Variants in SLC23A2 observed in about 807,000 individuals in gnomAD.
SLC23A2 encodes the protein Na(+)/L-ascorbic acid transporter 2.
In SLC23A2, 36 loss-of-function variants were observed where a neutral mutation model predicts 73.3. That is an observed-to-expected ratio of 0.49 (90% CI 0.38 to 0.65). The LOEUF (loss-of-function observed/expected upper bound fraction) is 0.65. Ranked by LOEUF, SLC23A2 falls within the 30% of genes least tolerant of loss-of-function variation. The pLI, the probability that SLC23A2 is intolerant of heterozygous loss-of-function variation, is 0.00. For missense variants in SLC23A2, 507 were observed against 841.6 expected (o/e 0.60, Z 4.92); for synonymous variants, 343 against 327.3 (o/e 1.05, Z -0.52).
intron 2 of SLC23A2, among the ~76,000 whole-genome samples, chr20:4,937,604 C>A (rs1422068182): frequency 2.0e-5 from 3 of 152,158 alleles, no homozygotes; most frequent in African/African-American, 7.2e-5. Flanking sequence ...AAAGTAGAAA[C>A]TGAGCTTCAG....
At chr20:4,974,233 G>A (rs1465433734) in intron 1 of SLC23A2, among the ~76,000 whole-genome samples, 3 of 152,138 alleles carry the variant, frequency 2.0e-5, no homozygotes, top group Non-Finnish European at 4.4e-5. Flanking sequence ...CACTTTGGGA[G>A]GCTGAGGTGG....
chr20:4,959,440 A>G (rs543758626), intron 2 of SLC23A2, among the ~76,000 whole-genome samples: 1 of 152,324 alleles, frequency 6.6e-6, no homozygotes, highest in South Asian at 2.1e-4. Flanking sequence ...TGGCTGAATG[A>G]AACCTTACGT....
At chr20:5,004,035 T>C (rs2088163102), upstream of SLC23A2, among the ~76,000 whole-genome samples, 1 of 151,976 alleles carries the variant, frequency 6.6e-6, no homozygotes, top group Non-Finnish European at 1.5e-5. Flanking sequence ...TCATATCTCC[T>C]TTCTCCCCTG....
intron 3 of SLC23A2, among the ~76,000 whole-genome samples, chr20:4,914,620 T>C (rs1015022158): frequency 5.3e-5 from 8 of 152,278 alleles, no homozygotes; most frequent in African/African-American, 1.4e-4. Flanking sequence ...GCAGGTAATA[T>C]ATATATTCAA....
In SLC23A2 at chr20:4,887,583, C is replaced by T. The variant is rs548934362; in HGVS notation, c.483-1674G>A. On this transcript the variant is annotated intron_variant, in intron 6 of 16. Coordinates refer to ENST00000338244, the MANE Select transcript of SLC23A2 (RefSeq NM_005116.6). ...TCAGCCTGAACCTGACCTTGGCATC[C>T]GACCTGGGCACCTTTCAGGGTGAGC... is the stretch of plus-strand genomic sequence containing the variant. 6.6e-5 allele frequency among the ~76,000 whole-genome samples: 10 copies of T among 152,316 alleles called. 1 individual carries two copies. The highest frequency in any genetic ancestry group is 1.3e-4 in the Admixed American group (2 of 15,300).
At chr20:4,858,909 C>T (rs377553803) in intron 16 of SLC23A2, among the ~76,000 whole-genome samples, 8 of 152,200 alleles carry the variant, frequency 5.3e-5, no homozygotes, top group African/African-American at 1.9e-4. Context: ...TCTCCCCAAG[C>T]AGAAGTGCCA....
chr20:4,986,084 G>A, intron 1 of SLC23A2, among the ~76,000 whole-genome samples: 1 of 152,002 alleles, frequency 6.6e-6, no homozygotes, highest in East Asian at 1.9e-4. Flanking sequence ...TAAATCAAAG[G>A]CCTTACTTAA....
At chr20:4,882,705 A>G (rs1017703103) in intron 9 of SLC23A2, among the ~76,000 whole-genome samples, 1 of 152,174 alleles carries the variant, frequency 6.6e-6, no homozygotes. Flanking sequence ...GTTAAATGGG[A>G]TAACACTAGG....
intron 1 of SLC23A2, among the ~76,000 whole-genome samples, chr20:4,977,330 CTTTT>C (rs1019164045): frequency 5.9e-5 from 9 of 152,066 alleles, no homozygotes; most frequent in African/African-American, 2.2e-4. Context: ...TGTCCTATTT[CTTTT>C]TGTTTTTCTA....
chr20:4,971,999 A>G (rs2087568082), intron 1 of SLC23A2, among the ~76,000 whole-genome samples: 1 of 152,222 alleles, frequency 6.6e-6, no homozygotes. Flanking sequence ...GGATATGAGC[A>G]GGTACACAGA....
Position 4,854,793 on chromosome 20 carries a change from G to A in SLC23A2, c.*2179C>T, listed in dbSNP as rs888057914. Reference sequence around the variant, plus strand: ...GCGGAAGACGCCCAGTCAAGCTGAAGAGAAGGTGCCCCTGGATCACCAATG... The same window carrying A: ...GCGGAAGACGCCCAGTCAAGCTGAAAAGAAGGTGCCCCTGGATCACCAATG... On this transcript the variant is annotated 3_prime_UTR_variant, in exon 17 of 17. Transcript: ENST00000338244. The A allele has an allele frequency of 6.6e-6, 1 of 152,234 alleles. No homozygotes were observed. Among genetic ancestry groups the A allele is most frequent in the African/African-American group, 2.4e-5 (1 of 41,456 alleles). The allele number at this position is 152,234 out of a possible 1,614,324, so 9.4% of individuals were successfully genotyped here.
intron 3 of SLC23A2, among the ~76,000 whole-genome samples, chr20:4,928,238 G>A (rs1195187958): frequency 2.0e-5 from 3 of 151,970 alleles, no homozygotes; most frequent in African/African-American, 2.4e-5. Context: ...TGAGGGTCTC[G>A]CTATGTTGCC....
At chr20:4,976,284 A>G (rs2087643702) in intron 1 of SLC23A2, among the ~76,000 whole-genome samples, 1 of 151,786 alleles carries the variant, frequency 6.6e-6, no homozygotes, top group Admixed American at 6.6e-5. Flanking sequence ...TGCTTTTTCC[A>G]TTTTGTTTAT....
At chr20:4,873,765 C>G (rs1001281227) in intron 11 of SLC23A2, 171 bp downstream of exon 11, 3 of 570,170 alleles carry the variant, frequency 5.3e-6, no homozygotes, top group Admixed American at 3.4e-5. Flanking sequence ...GTGTTGGTTT[C>G]TGCCCTCTGG....
At chr20:4,921,905 G>A (rs1246632491) in intron 3 of SLC23A2, among the ~76,000 whole-genome samples, 1 of 152,130 alleles carries the variant, frequency 6.6e-6, no homozygotes, top group Non-Finnish European at 1.5e-5. Context: ...GTAAAACCTA[G>A]GGAGAACTAT....
chr20:4,954,713 A>AAAAG (rs753186219), intron 2 of SLC23A2, among the ~76,000 whole-genome samples: 96 of 150,212 alleles, frequency 6.4e-4, no homozygotes, highest in Admixed American at 9.3e-4. Context: ...AAAAAAAAAA[A>AAAAG]AAAGAAAGAA....
At position 4,857,511 on chromosome 20, in the gene SLC23A2, T is replaced by C. The variant is rs1336756977; in HGVS notation, c.1721-307A>G. 6.6e-6 allele frequency among the ~76,000 whole-genome samples: 1 copy of C among 152,160 alleles called. No homozygotes were observed. Among genetic ancestry groups the C allele is most frequent in the Non-Finnish European group, 1.5e-5 (1 of 68,028 alleles). On this transcript the variant is annotated intron_variant, in intron 16 of 16. Coordinates refer to ENST00000338244, the MANE Select transcript of SLC23A2 (RefSeq NM_005116.6). The surrounding 1 kb of genome is among the most constrained non-coding windows in gnomAD (Gnocchi z 4.0). ...TCCCTATCCTTCTATGTGACCCATA[T>C]TCTCAATTTTCACTGTTAGGGCCCA...
intron 1 of SLC23A2, among the ~76,000 whole-genome samples, chr20:5,006,948 C>CGT (rs375441910): frequency 0.35 from 52,249 of 147,938 alleles, 9,846 homozygotes; most frequent in Middle Eastern, 0.44. Context: ...CCTGAAATGA[C>CGT]GTGTGTGTGT....
chr20:4,946,893 C>T (rs1025248451), intron 2 of SLC23A2, among the ~76,000 whole-genome samples: 3 of 152,154 alleles, frequency 2.0e-5, no homozygotes, highest in Admixed American at 6.5e-5. Flanking sequence ...CTTTTTCTAA[C>T]CTAATGCTAT....
Sources: allele counts gnomAD v4.1 joint callset (sites outside exome capture counted in the v4.1 genomes callset), GRCh38; gene constraint gnomAD v4.1.1; non-coding constraint Gnocchi (gnomAD v3.1); transcripts MANE v1.5; gene names NCBI Gene and HGNC (gene_info 2026-07-23, HGNC 2026-07-21).